Variants in TCOF1 observed in about 807,000 individuals in gnomAD.
TCOF1 encodes treacle ribosome biogenesis factor 1.
A neutral mutation model predicts 149.0 loss-of-function variants in TCOF1; 33 were observed. The ratio of observed to expected loss-of-function variants is 0.22; its 90% CI spans 0.17 to 0.30. The LOEUF (loss-of-function observed/expected upper bound fraction) is 0.30, where lower values mean the gene tolerates loss of function less well. Ranked by LOEUF, TCOF1 falls within the 10% of genes least tolerant of loss-of-function variation. The pLI is 1.00. For missense variants in TCOF1, 1,728 were observed against 1,840.7 expected (o/e 0.94, Z 1.12); for synonymous variants, 789 against 738.8 (o/e 1.07, Z -1.10).
intron 16 of TCOF1, 32 bp downstream of exon 16, chr5:150,379,440 C>T (rs1764542943): frequency 6.2e-7 from 1 of 1,614,020 alleles, no homozygotes. Flanking sequence ...TCATCCCCTA[C>T]ATGGGATGTA....
intron 17 of TCOF1, chr5:150,385,023 A>T: frequency 1.0e-6 from 1 of 985,354 alleles, no homozygotes. Flanking sequence ...CTCAGGCCAG[A>T]GTCTGTGCTG....
At chr5:150,393,868 C>T (rs753922533) in intron 23 of TCOF1, 12 of 387,988 alleles carry the variant, frequency 3.1e-5, no homozygotes, top group East Asian at 1.2e-4. Context: ...TTTAATTAGC[C>T]GGTGTGATGG....
chr5:150,375,593 C>T (rs779322603), intron 11 of TCOF1, 39 bp downstream of exon 11: 1 of 1,613,380 alleles, frequency 6.2e-7, no homozygotes, highest in Admixed American at 1.7e-5. Context: ...TTTTTCCCCC[C>T]CACTCAGAGT....
chr5:150,376,444 C>T lies in TCOF1; in HGVS notation c.2164C>T (p.Leu722Phe). 6.2e-7 allele frequency: 1 copy of T among 1,614,224 alleles called. No individual in the cohort carries two copies. The part of the protein sequence containing the change: ...VGQAKSVGKG[L>F]QVKAASVPVK... ...CCAGGCAAAGTCTGTGGGGAAAGGC[C>T]TCCAGGTGAAAGCAGCCTCAGTGCC... Residue 722 changes from leucine to phenylalanine, a missense_variant, in exon 14 of 27, where the codon CTC (leucine) becomes TTC (phenylalanine). Physicochemically the swap from Leu to Phe is conservative, Grantham distance 22. This residue lies in a region of TCOF1 where 1,696 missense variants were observed against 1,765.4 expected (regional missense o/e 0.96). Transcript: ENST00000643257.
chr5:150,379,779 C>G (rs201733267), intron 17 of TCOF1, 47 bp downstream of exon 17: 1 of 1,598,986 alleles, frequency 6.3e-7, no homozygotes. Context: ...CTCCTCAGAA[C>G]GGGGGTATAG....
intron 11 of TCOF1, 29 bp downstream of exon 11, chr5:150,375,583 T>G: frequency 6.2e-7 from 1 of 1,613,620 alleles, no homozygotes; most frequent in Non-Finnish European, 8.5e-7. Context: ...AGGCTCTTTC[T>G]TTTTCCCCCC....
intron 16 of TCOF1, 34 bp downstream of exon 16, chr5:150,379,442 T>TG: frequency 6.2e-7 from 1 of 1,613,896 alleles, no homozygotes; most frequent in Non-Finnish European, 8.5e-7. Context: ...ATCCCCTACA[T>TG]GGGATGTAAC....
At chr5:150,384,839 T>G (rs1765953386) in intron 17 of TCOF1, 2 of 985,460 alleles carry the variant, frequency 2.0e-6, no homozygotes, top group African/African-American at 3.5e-5. Flanking sequence ...TATTGTACAT[T>G]TATTGAGCAC....
rs1383273068 is a variant in TCOF1 at position 150,399,817 on chromosome 5, C to G, written c.*30C>G. 3 of 153,128 alleles carry G rather than the reference C, an allele frequency of 2.0e-5. No individual in the cohort carries two copies. The highest frequency in any genetic ancestry group is 4.4e-5 in the Non-Finnish European group (3 of 68,708). 9.5% of individuals were successfully genotyped at this position (153,128 alleles called of 1,614,324 possible). ...TGTGTTTCCTTCCCCTAGGGATTTC[C>G]TAGCCGAGCAGTGGCCATCCCCATG... is the stretch of plus-strand genomic sequence containing the variant. On this transcript the variant is annotated 3_prime_UTR_variant, in exon 27 of 27. Coordinates refer to ENST00000643257, the MANE Select transcript of TCOF1 (RefSeq NM_001371623.1).
At chr5:150,370,870 G>T (rs1158776618) in intron 6 of TCOF1, among the ~76,000 whole-genome samples, 2 of 152,190 alleles carry the variant, frequency 1.3e-5, no homozygotes, top group Non-Finnish European at 2.9e-5. Flanking sequence ...GTCCTAGGTA[G>T]ACAGGGGCCA....
chr5:150,384,710 G>T, intron 17 of TCOF1: 2 of 985,498 alleles, frequency 2.0e-6, no homozygotes, highest in Non-Finnish European at 2.4e-6. Context: ...TCAGCGGTTT[G>T]TACATTCCCC....
At chr5:150,391,896 A>AAG in intron 20 of TCOF1, 61 bp from the exon 21 acceptor site, 1 of 1,538,852 alleles carries the variant, frequency 6.5e-7, no homozygotes, top group Non-Finnish European at 8.9e-7. Flanking sequence ...AGTGTTCAGG[A>AAG]AGGACCAGGT....
Position 150,374,608 on chromosome 5 carries a change from T to G in TCOF1, c.1084-9T>G, listed in dbSNP as rs778031599. 24 of 1,612,558 alleles carry G rather than the reference T, an allele frequency of 1.5e-5. No individual in the cohort carries two copies. Among genetic ancestry groups the G allele is most frequent in the East Asian group, 2.2e-5 (1 of 44,820 alleles). On this transcript the variant is annotated splice_polypyrimidine_tract_variant and intron_variant, in intron 8 of 26. Coordinates refer to ENST00000643257, the MANE Select transcript of TCOF1 (RefSeq NM_001371623.1). ...CTCTGGGCTGTCTCCCCTTGTCTTG[T>G]TTCTCCAGGCGAAGGCCTCAGGAAA...
Position 150,376,613 on chromosome 5 carries a change from C to T in TCOF1, c.2333C>T (p.Pro778Leu). Residue 778 changes from proline to leucine, a missense_variant, in exon 14 of 27, where the codon CCA (proline) becomes CTA (leucine). Pro to Leu is a moderately conservative substitution (Grantham distance 98). This residue lies in a region of TCOF1 where 1,696 missense variants were observed against 1,765.4 expected (regional missense o/e 0.96). Coordinates refer to ENST00000643257, the MANE Select transcript of TCOF1 (RefSeq NM_001371623.1). ...GACAGTGAGGAAGCAGCTGCATCTC[C>T]AGCACAGGTGAGGCCTAGAAGGAGC... is the stretch of plus-strand genomic sequence containing the variant. ...ESDSEEAAAS[P>L]AQVKTSVKKT... The T allele has an allele frequency of 6.4e-7, 1 of 1,564,352 alleles. No individual in the cohort carries two copies. The highest frequency in any genetic ancestry group is 1.2e-5 in the South Asian group (1 of 85,692).
rs139505033 is a variant in TCOF1 at position 150,375,807 on chromosome 5, C to T, written c.1791C>T (p.Val597=). The T allele has an allele frequency of 1.2e-6, 2 of 1,614,090 alleles. No individual in the cohort carries two copies. Among genetic ancestry groups the T allele is most frequent in the African/African-American group, 2.7e-5 (2 of 74,956 alleles). Residue 597 remains valine (V), a synonymous_variant, in exon 12 of 27, where the codon GTC becomes GTT. Transcript: ENST00000643257. ...CTCAGAAGGCAGGGCCTGTAGCCGT[C>T]CAGGTCAAGGCTGAAAAGCCCATGG... ...GPPQKAGPVA[V]QVKAEKPMDN...
intron 7 of TCOF1, among the ~76,000 whole-genome samples, chr5:150,373,958 G>C (rs1221540005): frequency 6.6e-6 from 1 of 152,164 alleles, no homozygotes; most frequent in Non-Finnish European, 1.5e-5. Flanking sequence ...AATGGAACAG[G>C]GGGCATGGAG....
intron 17 of TCOF1, chr5:150,383,175 G>T: frequency 6.5e-7 from 1 of 1,534,978 alleles, no homozygotes; most frequent in Non-Finnish European, 8.7e-7. Context: ...TGACCCAGGT[G>T]CGCCATGCCT....
intron 15 of TCOF1, 59 bp from the exon 16 acceptor site, chr5:150,379,170 G>GA (rs1764466869): frequency 1.2e-6 from 2 of 1,614,106 alleles, no homozygotes; most frequent in East Asian, 4.5e-5. Context: ...CCATAGTGGG[G>GA]AGTGGGACCT....
Position 150,374,685 on chromosome 5 carries a change from A to G in TCOF1, c.1152A>G (p.Lys384=), listed in dbSNP as rs1763313736. ...CCCCTGCCAAGGAGTCCCCCAGGAA[A>G]GGAGCTGCCCCAGCGCCCCCTGGGA... ...ASAPAKESPR[K]GAAPAPPGKT... The change falls in exon 9 of 27, where the codon AAA becomes AAG. Residue 384 remains lysine (K), a synonymous_variant. Transcript: ENST00000643257. 2.5e-6 allele frequency: 4 copies of G among 1,613,690 alleles called. No individual in the cohort carries two copies. Among genetic ancestry groups the G allele is most frequent in the Non-Finnish European group, 3.4e-6 (4 of 1,179,922 alleles).
Sources: gnomAD v4.1 joint callset for allele counts (sites outside exome capture counted in the v4.1 genomes callset) on GRCh38, gnomAD v4.1.1 for gene constraint, gnomAD v4.1.1 regional missense constraint, MANE v1.5 for transcripts, NCBI Gene and HGNC (gene_info 2026-07-23, HGNC 2026-07-21) for gene names.